The following RETREG3 variants were observed in gnomAD, a reference collection of about 807,000 sequenced individuals.
RETREG3 encodes reticulophagy regulator family member 3, also known as reticulophagy regulator 3.
In RETREG3, 23 loss-of-function variants were observed where a neutral mutation model predicts 50.2. That is an observed-to-expected ratio of 0.46 (90% confidence interval 0.33 to 0.65). RETREG3 has a LOEUF of 0.65. RETREG3 is among the 30% of genes least tolerant of loss of function. The pLI, the probability that RETREG3 is intolerant of heterozygous loss-of-function variation, is 0.02. For synonymous variants in RETREG3, 240 were observed against 234.4 expected (o/e 1.02, Z -0.22); for missense variants, 546 against 598.0 (o/e 0.91, Z 0.91).
At chr17:42,606,052 T>C (rs2093167368) in intron 1 of RETREG3, among the ~76,000 whole-genome samples, 1 of 151,126 alleles carries the variant, frequency 6.6e-6, no homozygotes, top group Admixed American at 6.6e-5. Flanking sequence ...CTGCACCTTC[T>C]TAAAATGTGA....
intron 3 of RETREG3, 121 bp downstream of exon 3, chr17:42,587,713 G>C (rs1408497146): frequency 1.7e-6 from 2 of 1,200,878 alleles, no homozygotes; most frequent in Non-Finnish European, 2.5e-6. Flanking sequence ...TGATCATTTG[G>C]AACAGCCTAG....
chr17:42,594,963 C>CG (rs1555629522), intron 1 of RETREG3, among the ~76,000 whole-genome samples: 1 of 125,284 alleles, frequency 8.0e-6, no homozygotes, highest in African/African-American at 3.0e-5. Flanking sequence ...TTTTTTTTTA[C>CG]TTTTTTTTTT....
At chr17:42,608,842 C>T (rs371746866) in intron 1 of RETREG3, 37 of 530,288 alleles carry the variant, frequency 7.0e-5, no homozygotes, top group African/African-American at 2.7e-4. Flanking sequence ...ACCAGAAGCT[C>T]CCGCCAGATG....
At chr17:42,602,224 G>A (rs2093160014) in intron 1 of RETREG3, among the ~76,000 whole-genome samples, 1 of 151,974 alleles carries the variant, frequency 6.6e-6, no homozygotes, top group Non-Finnish European at 1.5e-5. Context: ...GGCTGAGGCA[G>A]GAGAACTGCT....
chr17:42,603,044 A>AT (rs141119889), intron 1 of RETREG3, among the ~76,000 whole-genome samples: 6,752 of 151,302 alleles, frequency 0.045, 510 homozygotes, highest in African/African-American at 0.16. Flanking sequence ...ATATCCATTG[A>AT]TTTTTTTTTC....
intron 1 of RETREG3, among the ~76,000 whole-genome samples, chr17:42,593,647 CAAA>C (rs10537185): frequency 1.2e-5 from 1 of 86,316 alleles, no homozygotes; most frequent in Non-Finnish European, 2.3e-5. Flanking sequence ...GACTCCGTCT[CAAA>C]AAAAAAAAAA....
chr17:42,605,821 T>G (rs6503712), intron 1 of RETREG3, among the ~76,000 whole-genome samples: 3 of 151,778 alleles, frequency 2.0e-5, no homozygotes, highest in African/African-American at 7.3e-5. Context: ...GGTGAAACTC[T>G]GCCCTACAAA....
At position 42,580,907 on chromosome 17, in the gene RETREG3, G is replaced by C. The variant is rs561311204; in HGVS notation, c.*906C>G. On this transcript the variant is annotated 3_prime_UTR_variant, in exon 9 of 9. Transcript: ENST00000309428. ...ACAAAAAAATTAGCCGGGCATGGTG[G>C]TGCATGCCTGTAATCTCAGCTACTG... 4.1e-4 allele frequency: 62 copies of C among 151,392 alleles called. No individual in the cohort carries two copies. The highest frequency in any genetic ancestry group is 1.4e-3 in the African/African-American group (58 of 41,174). 9.4% of individuals were successfully genotyped at this position (151,392 alleles called of 1,614,324 possible).
chr17:42,601,739 T>C (rs2093159107), intron 1 of RETREG3, among the ~76,000 whole-genome samples: 1 of 148,150 alleles, frequency 6.7e-6, no homozygotes, highest in Admixed American at 6.7e-5. Flanking sequence ...TTCAACGGAT[T>C]CTCCTGCCTC....
rs141404810 is a variant in RETREG3 at position 42,595,122 on chromosome 17, C to T, written c.240-2960G>A. Among the ~76,000 whole-genome samples the T allele has an allele frequency of 6.8e-4, 103 of 151,322 alleles. 2 individuals are homozygous for T. Among genetic ancestry groups the T allele is most frequent in the African/African-American group, 2.4e-3 (100 of 41,302 alleles). On this transcript the variant is annotated intron_variant, in intron 1 of 8. Coordinates refer to ENST00000309428, the MANE Select transcript of RETREG3 (RefSeq NM_178126.4). ...CTGGGACTACATGCATGCACCACCACGTCCAGCTAATTTTTTTTGTATTTT... is the reference window on the plus strand; with the variant it reads ...CTGGGACTACATGCATGCACCACCATGTCCAGCTAATTTTTTTTGTATTTT...
chr17:42,606,332 CCTCT>C (rs1353292961), intron 1 of RETREG3, among the ~76,000 whole-genome samples: 1 of 152,148 alleles, frequency 6.6e-6, no homozygotes, highest in Non-Finnish European at 1.5e-5. Flanking sequence ...GCTTCAGAAA[CCTCT>C]CTCAGACAAG....
chr17:42,607,626 G>A (rs1183033366), intron 1 of RETREG3, among the ~76,000 whole-genome samples: 1 of 151,034 alleles, frequency 6.6e-6, no homozygotes, highest in Admixed American at 6.6e-5. Context: ...CCAACATGGA[G>A]AAACCCCATC....
chr17:42,595,964 A>C (rs1050681885), intron 1 of RETREG3, among the ~76,000 whole-genome samples: 6 of 152,034 alleles, frequency 3.9e-5, no homozygotes, highest in South Asian at 2.1e-4. Context: ...AAGGAGTAAC[A>C]GGCTATCACA....
Position 42,596,121 on chromosome 17 carries a change from C to T in RETREG3, c.240-3959G>A, listed in dbSNP as rs1597738902. Reference sequence around the variant, plus strand: ...CAATGGCTTACACCTATAATCCCAACACTTTGGGAGGCTGAGGTGGGAGGA... The same window carrying T: ...CAATGGCTTACACCTATAATCCCAATACTTTGGGAGGCTGAGGTGGGAGGA... On this transcript the variant is annotated intron_variant, in intron 1 of 8. Coordinates refer to ENST00000309428, the MANE Select transcript of RETREG3 (RefSeq NM_178126.4). 4.0e-5 allele frequency among the ~76,000 whole-genome samples: 6 copies of T among 151,594 alleles called. No individual in the cohort carries two copies. The South Asian group carries it at 1.2e-3, about 32-fold the overall frequency.
Position 42,581,693 on chromosome 17 carries a change from A to T in RETREG3, c.*120T>A. 1.1e-6 allele frequency: 1 copy of T among 945,432 alleles called. No individual in the cohort carries two copies. Among genetic ancestry groups the T allele is most frequent in the Admixed American group, 3.0e-5 (1 of 33,664 alleles). The allele number at this position is 945,432 out of a possible 1,614,324, so 58.6% of individuals were successfully genotyped here. ...GAGGCCTCTGAGCATCAGCCAGGCC[A>T]CCCAGCATACAAATATAATTCAGGG... On this transcript the variant is annotated 3_prime_UTR_variant, in exon 9 of 9. Coordinates refer to ENST00000309428, the MANE Select transcript of RETREG3 (RefSeq NM_178126.4).
chr17:42,608,768 G>A (rs1848325594), intron 1 of RETREG3: 3 of 318,238 alleles, frequency 9.4e-6, no homozygotes, highest in Non-Finnish European at 1.7e-5. Context: ...TGGCTTTAAA[G>A]GGACGCAGCT....
At chr17:42,603,549 G>A (rs2093162145) in intron 1 of RETREG3, among the ~76,000 whole-genome samples, 1 of 152,198 alleles carries the variant, frequency 6.6e-6, no homozygotes. Flanking sequence ...CATACAATTA[G>A]GGCAGATAAA....
At chr17:42,596,595 C>T (rs2093145646) in intron 1 of RETREG3, 1 of 151,886 alleles carries the variant, frequency 6.6e-6, no homozygotes, top group Admixed American at 6.6e-5. Context: ...AGTTGCAAAG[C>T]TTGTTTTACC....
intron 1 of RETREG3, among the ~76,000 whole-genome samples, chr17:42,605,460 C>T (rs540237053): frequency 2.6e-5 from 4 of 152,306 alleles, no homozygotes; most frequent in East Asian, 1.9e-4. Context: ...GTCAGTCACT[C>T]TTCCACATTT....
Sources: gnomAD v4.1 joint callset for allele counts (sites outside exome capture counted in the v4.1 genomes callset) on GRCh38, gnomAD v4.1.1 for gene constraint, MANE v1.5 for transcripts, NCBI Gene and HGNC (gene_info 2026-07-23, HGNC 2026-07-21) for gene names.